CNTNAP5: variants seen among roughly 807,000 people sequenced by gnomAD.
The protein encoded by CNTNAP5 is contactin-associated protein-like 5.
In CNTNAP5, 72 loss-of-function variants were observed where a neutral mutation model predicts 150.2. The observed-to-expected ratio is 0.48, with a 90% CI of 0.40 to 0.58. The LOEUF (loss-of-function observed/expected upper bound fraction) is 0.58, where lower values mean the gene tolerates loss of function less well. CNTNAP5 is among the 20% of genes least tolerant of loss of function. The pLI is 0.00. For missense variants in CNTNAP5, 1,636 were observed against 1,626.2 expected (o/e 1.01, Z -0.10); for synonymous variants, 672 against 619.8 (o/e 1.08, Z -1.25).
intron 1 of CNTNAP5, among the ~76,000 whole-genome samples, chr2:124,039,510 T>G (rs1445602710): frequency 6.6e-6 from 1 of 152,190 alleles, no homozygotes; most frequent in Non-Finnish European, 1.5e-5. Context: ...TTGGGCTCCA[T>G]CAGCGAGGCT....
At chr2:124,805,286 C>T (rs1471409534) in intron 19 of CNTNAP5, among the ~76,000 whole-genome samples, 1 of 152,116 alleles carries the variant, frequency 6.6e-6, no homozygotes, top group Non-Finnish European at 1.5e-5. Flanking sequence ...AGGGAACTTC[C>T]CTGATGTCTC....
At chr2:124,553,503 C>CAAA (rs34211914) in intron 10 of CNTNAP5, among the ~76,000 whole-genome samples, 3,945 of 119,364 alleles carry the variant, frequency 0.033, 115 homozygotes, top group African/African-American at 0.086. Flanking sequence ...GACTCTGTCT[C>CAAA]AAAAAAAAAA....
At position 124,175,161 on chromosome 2, in the gene CNTNAP5, C is replaced by A. The variant is rs576509966; in HGVS notation, c.83-46544C>A. Among the ~76,000 whole-genome samples, 9 of 152,120 alleles carry A rather than the reference C, an allele frequency of 5.9e-5. No homozygotes were observed. The East Asian group carries it at 1.5e-3, about 26-fold the overall frequency. ...TTTGCTTTACTTAAATGGTCTGGAA[C>A]AAGACTTGCAATATTTCTAAGTTAT... On this transcript the variant is annotated intron_variant, in intron 1 of 23. Transcript: ENST00000682447.
chr2:124,049,363 G>A (rs1324769080), intron 1 of CNTNAP5, among the ~76,000 whole-genome samples: 3 of 152,178 alleles, frequency 2.0e-5, no homozygotes, highest in Non-Finnish European at 2.9e-5. Flanking sequence ...TGCAGAGGTG[G>A]CAGTAGTTCC....
intron 13 of CNTNAP5, among the ~76,000 whole-genome samples, chr2:124,705,865 G>A (rs1384707677): frequency 6.6e-6 from 1 of 152,072 alleles, no homozygotes; most frequent in South Asian, 2.1e-4. Flanking sequence ...TAAATTTCAG[G>A]TTAACCCTTG....
chr2:124,528,519 G>A (rs960525937), intron 10 of CNTNAP5, among the ~76,000 whole-genome samples: 28 of 152,282 alleles, frequency 1.8e-4, no homozygotes, highest in African/African-American at 6.0e-4. Flanking sequence ...GGCATTTGAA[G>A]GCATTTGAAA....
rs146169394 is a variant in CNTNAP5 at position 124,865,393 on chromosome 2, A to G, written c.3305A>G (p.His1102Arg). ...GATAACTTTGCTAACAGAAGGATGC[A>G]CCACTTGAAGATTAACCGAGAGGGA... ...DADNFANRRM[H>R]HLKINREGRE... The change falls in exon 20 of 24, where the codon CAC becomes CGC. Residue 1102 changes from histidine to arginine, a missense_variant. Coordinates refer to ENST00000682447, the MANE Select transcript of CNTNAP5 (RefSeq NM_001367498.1). 1.2e-4 allele frequency: 179 copies of G among 1,553,362 alleles called. 1 individual carries two copies. In the Admixed American group the frequency reaches 1.6e-3, roughly 14 times the overall value.
intron 13 of CNTNAP5, among the ~76,000 whole-genome samples, chr2:124,725,427 C>T (rs1680135050): frequency 6.6e-6 from 1 of 151,074 alleles, no homozygotes; most frequent in South Asian, 2.1e-4. Context: ...ACATAGTTTC[C>T]CTCCCTTTAC....
At chr2:124,063,671 C>T (rs533954957) in intron 1 of CNTNAP5, among the ~76,000 whole-genome samples, 1 of 152,118 alleles carries the variant, frequency 6.6e-6, no homozygotes, top group Non-Finnish European at 1.5e-5. Flanking sequence ...AAATAAGTGC[C>T]CAGAATGAAA....
intron 13 of CNTNAP5, among the ~76,000 whole-genome samples, chr2:124,682,170 C>T (rs1356864669): frequency 6.6e-6 from 1 of 152,160 alleles, no homozygotes; most frequent in Admixed American, 6.5e-5. Flanking sequence ...ATGAATGCAA[C>T]CTTGAAGATT....
chr2:124,030,333 C>T (rs970516465), intron 1 of CNTNAP5, among the ~76,000 whole-genome samples: 3 of 152,120 alleles, frequency 2.0e-5, no homozygotes, highest in Non-Finnish European at 2.9e-5. Flanking sequence ...ACATAAATTA[C>T]CAAGGCAGTA....
intron 12 of CNTNAP5, among the ~76,000 whole-genome samples, chr2:124,616,963 G>T (rs896899937): frequency 3.9e-5 from 6 of 152,002 alleles, no homozygotes; most frequent in Admixed American, 3.9e-4. Context: ...ACCACTGATC[G>T]CAGATCACCA....
intron 8 of CNTNAP5, among the ~76,000 whole-genome samples, chr2:124,519,153 G>T (rs888527523): frequency 2.0e-5 from 3 of 152,088 alleles, no homozygotes; most frequent in African/African-American, 7.2e-5. Context: ...GAGGCACAAA[G>T]GTAGGTTAGC....
At chr2:124,571,419 C>G (rs1228157839) in intron 11 of CNTNAP5, among the ~76,000 whole-genome samples, 1 of 151,378 alleles carries the variant, frequency 6.6e-6, no homozygotes, top group Non-Finnish European at 1.5e-5. Flanking sequence ...AAATAAAGTA[C>G]TACGGAAAGT....
At chr2:124,079,874 C>T (rs1430643503) in intron 1 of CNTNAP5, among the ~76,000 whole-genome samples, 1 of 152,174 alleles carries the variant, frequency 6.6e-6, no homozygotes, top group African/African-American at 2.4e-5. Flanking sequence ...AACTCCACCA[C>T]ATACTAGCCA....
chr2:124,554,451 T>C (rs10208116), intron 10 of CNTNAP5, among the ~76,000 whole-genome samples: 11,617 of 150,276 alleles, frequency 0.077, 506 homozygotes, highest in African/African-American at 0.11. Context: ...GACAGGGTCT[T>C]ACATTGTCAC....
chr2:124,784,295 A>G (rs1007811161), intron 17 of CNTNAP5, among the ~76,000 whole-genome samples: 1 of 152,216 alleles, frequency 6.6e-6, no homozygotes, highest in Non-Finnish European at 1.5e-5. Flanking sequence ...CATGTGCAGG[A>G]AAGAGCAGAT....
At chr2:124,436,520 G>A (rs1692535347) in intron 5 of CNTNAP5, among the ~76,000 whole-genome samples, 1 of 152,174 alleles carries the variant, frequency 6.6e-6, no homozygotes. Flanking sequence ...CAAGAGCACT[G>A]TAAATACATT....
At chr2:124,904,437 C>T in intron 22 of CNTNAP5, among the ~76,000 whole-genome samples, 1 of 151,740 alleles carries the variant, frequency 6.6e-6, no homozygotes, top group African/African-American at 2.4e-5. Flanking sequence ...AACACAAGTG[C>T]AGAAAGCTGC....
Sources: gnomAD v4.1 joint callset for allele counts (sites outside exome capture counted in the v4.1 genomes callset) on GRCh38, gnomAD v4.1.1 for gene constraint, MANE v1.5 for transcripts, NCBI Gene and HGNC (gene_info 2026-07-23, HGNC 2026-07-21) for gene names.